The following FSTL4 variants were observed in gnomAD, a reference collection of about 807,000 sequenced individuals.
FSTL4 encodes the protein follistatin like 4.
A neutral mutation model predicts 78.2 loss-of-function variants in FSTL4; 28 were observed. That is an observed-to-expected ratio of 0.36 (90% CI 0.27 to 0.49). The LOEUF is 0.49. Among genes scored for constraint, FSTL4 ranks in the 20% least tolerant of loss-of-function variants. The pLI is 0.98. For synonymous variants in FSTL4, 422 were observed against 440.5 expected, an observed-to-expected ratio of 0.96 and a Z score of 0.53; for missense variants, 922 against 1,084.9, an observed-to-expected ratio of 0.85 and a Z score of 2.11.
intron 4 of FSTL4, among the ~76,000 whole-genome samples, chr5:133,372,241 GTATC>G (rs1213109980): frequency 3.3e-4 from 44 of 131,468 alleles, no homozygotes; most frequent in African/African-American, 9.6e-4. Flanking sequence ...ATGTATCTAT[GTATC>G]TATGTATGTA....
At chr5:133,221,914 T>TTTGTTTG (rs1751141168) in intron 11 of FSTL4, among the ~76,000 whole-genome samples, 1 of 117,096 alleles carries the variant, frequency 8.5e-6, no homozygotes, top group African/African-American at 4.6e-5. Flanking sequence ...TTTTTTTTTT[T>TTTGTTTG]TTTTTTTTTT....
the FSTL4 span, among the ~76,000 whole-genome samples, chr5:133,787,447 G>A: frequency 1.3e-5 from 2 of 152,188 alleles, no homozygotes; most frequent in Admixed American, 6.5e-5. Flanking sequence ...GAACGCCTAG[G>A]GTTGTTGGGG....
At chr5:133,252,527 C>T (rs1163310341) in intron 6 of FSTL4, among the ~76,000 whole-genome samples, 1 of 152,070 alleles carries the variant, frequency 6.6e-6, no homozygotes, top group Non-Finnish European at 1.5e-5. Context: ...AACAAGCATC[C>T]CAAGGGGTTC....
intron 3 of FSTL4, among the ~76,000 whole-genome samples, chr5:133,449,612 GAGCCTTCCT>G (rs1232571937): frequency 1.3e-5 from 2 of 152,170 alleles, no homozygotes; most frequent in Non-Finnish European, 2.9e-5. Context: ...ATTACAGGGA[GAGCCTTCCT>G]CAAGCAACCA....
At chr5:133,255,853 T>C (rs545733632) in intron 6 of FSTL4, among the ~76,000 whole-genome samples, 1 of 152,324 alleles carries the variant, frequency 6.6e-6, no homozygotes, top group East Asian at 1.9e-4. Flanking sequence ...TTAGTTCCTA[T>C]TACAGGTTTC....
chr5:133,518,666 T>C (rs1758911452), intron 3 of FSTL4, among the ~76,000 whole-genome samples: 6 of 152,224 alleles, frequency 3.9e-5, no homozygotes, highest in Admixed American at 3.9e-4. Flanking sequence ...TAGGAGTATA[T>C]GGACAAGGAT....
intron 11 of FSTL4, 111 bp downstream of exon 11, chr5:133,224,079 C>A: frequency 1.3e-6 from 1 of 757,302 alleles, no homozygotes. Flanking sequence ...TTCCTGCTCC[C>A]ATAGGGCTGC....
At chr5:133,211,020 A>AG (rs1019738869) in intron 13 of FSTL4, 4 of 152,192 alleles carry the variant, frequency 2.6e-5, no homozygotes, top group Admixed American at 6.5e-5. Flanking sequence ...AGGTCATCTG[A>AG]GGTGGACTTT....
chr5:133,395,029 A>G (rs1755972082), intron 4 of FSTL4, among the ~76,000 whole-genome samples: 1 of 152,086 alleles, frequency 6.6e-6, no homozygotes, highest in African/African-American at 2.4e-5. Flanking sequence ...TTGTAAACAC[A>G]CCAATCAGCA....
In FSTL4 at chr5:133,225,271, T is replaced by A. The variant is rs753800956; in HGVS notation, c.1191A>T (p.Glu397Asp). ...KQLSLLANGS[E>D]LHISSVRYED... ...CATACCGAACACTGCTGATGTGGAG[T>A]TCGCTCCCATTGGCTGCAGACAGGA... The change falls in exon 10 of 16, where the codon GAA becomes GAT. Residue 397 changes from glutamate to aspartate, a missense_variant. Physicochemically the swap from Glu to Asp is conservative, Grantham distance 45 (BLOSUM62 2). Coordinates refer to ENST00000265342, the MANE Select transcript of FSTL4 (RefSeq NM_015082.2). This position sits in a 1 kb window ranked among gnomAD's most constrained non-coding sequence, Gnocchi z 4.6. 10 of 1,613,988 alleles carry A rather than the reference T, an allele frequency of 6.2e-6. No individual in the cohort carries two copies. In the East Asian group the frequency reaches 2.2e-4, roughly 36 times the overall value.
the FSTL4 span, among the ~76,000 whole-genome samples, chr5:133,664,385 C>T: frequency 6.6e-5 from 10 of 152,142 alleles, no homozygotes; most frequent in South Asian, 8.3e-4. Context: ...TGTCCCAAAA[C>T]GAATCTCACC....
At chr5:133,648,567 G>C in the FSTL4 span, among the ~76,000 whole-genome samples, 2 of 152,130 alleles carry the variant, frequency 1.3e-5, no homozygotes, top group Non-Finnish European at 1.5e-5. Context: ...ACAATTCTAA[G>C]CCTGGGAAGA....
chr5:133,577,625 C>T (rs146704875), intron 2 of FSTL4, among the ~76,000 whole-genome samples: 5 of 152,262 alleles, frequency 3.3e-5, no homozygotes, highest in African/African-American at 1.2e-4. Context: ...TCCCAGAAGA[C>T]CAGATGTGAA....
At chr5:133,643,686 C>G in the FSTL4 span, among the ~76,000 whole-genome samples, 1 of 152,192 alleles carries the variant, frequency 6.6e-6, no homozygotes, top group African/African-American at 2.4e-5. Context: ...AACACAAGAA[C>G]TATGTCCTGT....
At chr5:133,502,423 C>T (rs1758518626) in intron 3 of FSTL4, among the ~76,000 whole-genome samples, 1 of 152,150 alleles carries the variant, frequency 6.6e-6, no homozygotes, top group South Asian at 2.1e-4. Context: ...CATCCCCTAG[C>T]TAATAGTCGG....
intron 3 of FSTL4, among the ~76,000 whole-genome samples, chr5:133,497,869 A>G (rs1402428797): frequency 6.6e-6 from 1 of 152,176 alleles, no homozygotes; most frequent in African/African-American, 2.4e-5. Flanking sequence ...AGGTTTACAG[A>G]AAGGAAATTC....
chr5:133,631,376 C>T, the FSTL4 span, among the ~76,000 whole-genome samples: 15 of 151,798 alleles, frequency 9.9e-5, no homozygotes, highest in East Asian at 9.6e-4. Context: ...GACATTTATG[C>T]GGCCAACAAA....
Position 133,249,306 on chromosome 5 carries a change from G to A in FSTL4, c.894+104C>T. 7 of 906,280 alleles carry A rather than the reference G, an allele frequency of 7.7e-6. No homozygotes were observed. The South Asian group carries it at 8.9e-5, about 12-fold the overall frequency. The allele number at this position is 906,280 out of a possible 1,614,324, so 56.1% of individuals were successfully genotyped here. ...GCTAGAAAAGCACCAAACACAGGAT[G>A]TTAAACTAAAACTCTCCCGTCCTGC... On this transcript the variant is annotated intron_variant, in intron 7 of 15. Coordinates refer to ENST00000265342, the MANE Select transcript of FSTL4 (RefSeq NM_015082.2).
intron 6 of FSTL4, among the ~76,000 whole-genome samples, chr5:133,309,247 G>C (rs550166417): frequency 1.1e-4 from 17 of 152,190 alleles, no homozygotes; most frequent in African/African-American, 3.6e-4. Context: ...GGGGGGTGGC[G>C]TGGGGAAGGA....
Sources: allele counts gnomAD v4.1 joint callset (sites outside exome capture counted in the v4.1 genomes callset), GRCh38; gene constraint gnomAD v4.1.1; non-coding constraint Gnocchi (gnomAD v3.1); transcripts MANE v1.5; gene names NCBI Gene and HGNC (gene_info 2026-07-23, HGNC 2026-07-21).